Variants in SLC41A3 observed in about 807,000 individuals in gnomAD.
SLC41A3 encodes the protein SLC41A1-like 2.
In SLC41A3, 44 loss-of-function variants were observed where a neutral mutation model predicts 45.4. The ratio of observed to expected loss-of-function variants is 0.97; its 90% CI spans 0.76 to 1.25. The LOEUF (loss-of-function observed/expected upper bound fraction) is 1.25. Among genes scored for constraint, SLC41A3 ranks in the 50% most tolerant of loss-of-function variants. The pLI, the probability that SLC41A3 is intolerant of heterozygous loss-of-function variation, is 0.00. For missense variants in SLC41A3, 550 were observed against 600.6 expected, an observed-to-expected ratio of 0.92 and a Z score of 0.88; for synonymous variants, 256 against 252.4, an observed-to-expected ratio of 1.01 and a Z score of -0.13.
rs1944440160 is a variant in SLC41A3, at chr3:126,068,043, C to A, written c.177G>T (p.Arg59Ser). The A allele has an allele frequency of 6.2e-7, 1 of 1,613,964 alleles. No individual in the cohort carries two copies. The highest frequency in any genetic ancestry group is 8.5e-7 in the Non-Finnish European group (1 of 1,179,976). The change falls in exon 2 of 11, where the codon AGG becomes AGT. Residue 59 changes from arginine to serine, a missense_variant. Coordinates refer to ENST00000360370, the MANE Select transcript of SLC41A3 (RefSeq NM_017836.4). ...GAAGGCCTATGGACCAGGTGGTCTC[C>A]CTGCTAGGCTCAGTCTCCAGTGGCT... Reference protein sequence around the residue: ...TPKPLETEPSRETTWSIGLQV... With the variant: ...TPKPLETEPSSETTWSIGLQV...
Position 126,006,961 on chromosome 3 carries a change from A to G in SLC41A3, c.*55T>C. The G allele has an allele frequency of 5.6e-6, 9 of 1,610,002 alleles. No individual in the cohort carries two copies. The highest frequency in any genetic ancestry group is 7.6e-6 in the Non-Finnish European group (9 of 1,177,418). On this transcript the variant is annotated 3_prime_UTR_variant, in exon 11 of 11. Coordinates refer to ENST00000360370, the MANE Select transcript of SLC41A3 (RefSeq NM_017836.4). ...TGGCAAGGGAGAAACTGAATTCTGT[A>G]TCCCACTGATGTGAGAGGAAATTCT...
At chr3:126,101,028 G>A (rs532417027) in intron 1 of SLC41A3, among the ~76,000 whole-genome samples, 24 of 152,330 alleles carry the variant, frequency 1.6e-4, no homozygotes, top group Admixed American at 1.2e-3. Flanking sequence ...GAGTCGCCCC[G>A]GGGGAGATGA....
intron 8 of SLC41A3, among the ~76,000 whole-genome samples, chr3:126,015,166 T>C (rs765247787): frequency 7.2e-5 from 11 of 152,236 alleles, no homozygotes; most frequent in Non-Finnish European, 1.5e-5. Context: ...CCATGCTCAA[T>C]TGGCAGGTGC....
chr3:126,083,015 C>G (rs1457799770), intron 1 of SLC41A3, among the ~76,000 whole-genome samples: 1 of 152,252 alleles, frequency 6.6e-6, no homozygotes, highest in Non-Finnish European at 1.5e-5. Context: ...ATTAAACTTT[C>G]TGTACCTCTG....
chr3:126,090,695 C>A (rs1404293292), intron 1 of SLC41A3, among the ~76,000 whole-genome samples: 1 of 152,134 alleles, frequency 6.6e-6, no homozygotes, highest in Non-Finnish European at 1.5e-5. Flanking sequence ...AGAGATGAGT[C>A]CCTCGTTTAG....
At chr3:126,082,204 C>CA (rs1186152707) in intron 1 of SLC41A3, among the ~76,000 whole-genome samples, 5 of 152,222 alleles carry the variant, frequency 3.3e-5, no homozygotes, top group African/African-American at 7.2e-5. Context: ...TGCAGATGAA[C>CA]AACCAAGCAC....
chr3:126,086,986 C>T (rs1945407605), upstream of SLC41A3, among the ~76,000 whole-genome samples: 1 of 152,064 alleles, frequency 6.6e-6, no homozygotes, highest in Non-Finnish European at 1.5e-5. Flanking sequence ...AATAAATAAA[C>T]TGTCTTTAAA....
rs914882347 is a variant in SLC41A3, at chr3:126,055,703, C to T, written c.274-4653G>A. Among the ~76,000 whole-genome samples, 26 of 152,258 alleles carry T rather than the reference C, an allele frequency of 1.7e-4. 1 individual carries two copies. Among genetic ancestry groups the T allele is most frequent in the Admixed American group, 1.4e-3 (21 of 15,300 alleles). The stretch of plus-strand genomic sequence containing the variant: ...GAAATGTTTCAGTTGACAGATAGCA[C>T]AAACCTCTCAATGATTCCAATACGC... On this transcript the variant is annotated intron_variant, in intron 2 of 10. Coordinates refer to ENST00000360370, the MANE Select transcript of SLC41A3 (RefSeq NM_017836.4).
chr3:126,040,725 C>T (rs1216132057), intron 3 of SLC41A3, among the ~76,000 whole-genome samples: 1 of 152,156 alleles, frequency 6.6e-6, no homozygotes, highest in Admixed American at 6.5e-5. Context: ...AAAAGAGTTA[C>T]TGGCACAGTC....
chr3:126,061,424 T>G (rs747361815), intron 2 of SLC41A3, among the ~76,000 whole-genome samples: 8 of 152,088 alleles, frequency 5.3e-5, no homozygotes, highest in Non-Finnish European at 1.2e-4. Context: ...AGGGGGATCT[T>G]CTTGGCCTCC....
At chr3:126,023,710 G>A (rs1057418512) in intron 5 of SLC41A3, 5 of 150,332 alleles carry the variant, frequency 3.3e-5, no homozygotes, top group African/African-American at 7.6e-5. Flanking sequence ...CCATGCCTCC[G>A]AAGTCCTCCT....
At chr3:126,013,905 G>A (rs1939987046) in intron 8 of SLC41A3, among the ~76,000 whole-genome samples, 1 of 152,190 alleles carries the variant, frequency 6.6e-6, no homozygotes. Context: ...ATGAGGCCCA[G>A]AAAACCATGA....
In SLC41A3 at chr3:126,059,948, C is replaced by T. The variant is rs539563328; in HGVS notation, c.273+7999G>A. On this transcript the variant is annotated intron_variant, in intron 2 of 10. Coordinates refer to ENST00000360370, the MANE Select transcript of SLC41A3 (RefSeq NM_017836.4). ...ACCTCTCACAGTGTCATCATAGTTT[C>T]GGACGTGGTCAAACATCATCACACA... Among the ~76,000 whole-genome samples the T allele has an allele frequency of 1.8e-4, 28 of 152,278 alleles. No individual in the cohort carries two copies. The South Asian group carries it at 5.0e-3, about 27-fold the overall frequency.
chr3:126,054,327 G>C (rs1292967570), intron 2 of SLC41A3, among the ~76,000 whole-genome samples: 1 of 152,190 alleles, frequency 6.6e-6, no homozygotes, highest in African/African-American at 2.4e-5. Flanking sequence ...GATGCCCCAG[G>C]TGGGGCTGCA....
At chr3:126,061,896 C>T (rs1944092560) in intron 2 of SLC41A3, among the ~76,000 whole-genome samples, 1 of 152,156 alleles carries the variant, frequency 6.6e-6, no homozygotes, top group African/African-American at 2.4e-5. Flanking sequence ...TTATTTTCGC[C>T]CCCATGACGA....
At chr3:126,007,473 C>A (rs1939220866) in intron 10 of SLC41A3, among the ~76,000 whole-genome samples, 1 of 152,198 alleles carries the variant, frequency 6.6e-6, no homozygotes, top group South Asian at 2.1e-4. Context: ...CCTGAAGGGC[C>A]AATCAGACCC....
At chr3:126,020,812 T>C (rs1473858010) in intron 6 of SLC41A3, among the ~76,000 whole-genome samples, 1 of 152,234 alleles carries the variant, frequency 6.6e-6, no homozygotes, top group Non-Finnish European at 1.5e-5. Flanking sequence ...AACACAGACA[T>C]TCCTTTCTAT....
chr3:126,090,028 C>CTTTTTTTTTTTTTTTTTTTTTTTTTT (rs59737864), intron 1 of SLC41A3, among the ~76,000 whole-genome samples: 1 of 99,336 alleles, frequency 1.0e-5, no homozygotes. Flanking sequence ...TCAAGAAAAT[C>CTTTTTTTTTTTTTTTTTTTTTTTTTT]TTTTTTTTTT....
intron 3 of SLC41A3, among the ~76,000 whole-genome samples, chr3:126,043,000 C>T (rs1045644275): frequency 1.4e-5 from 2 of 143,412 alleles, no homozygotes; most frequent in African/African-American, 5.3e-5. Context: ...TGGCCAAAAA[C>T]TTCCCAAATT....
Sources: allele counts gnomAD v4.1 joint callset (sites outside exome capture counted in the v4.1 genomes callset), GRCh38; gene constraint gnomAD v4.1.1; transcripts MANE v1.5; gene names NCBI Gene and HGNC (gene_info 2026-07-23, HGNC 2026-07-21).